NEURL1: variants seen among roughly 807,000 people sequenced by gnomAD.
The protein encoded by NEURL1 is E3 ubiquitin-protein ligase NEURL1.
NEURL1 carries 26 observed loss-of-function variants against 41.2 expected under a neutral mutation model. That is an observed-to-expected ratio of 0.63 (90% CI 0.46 to 0.87). The LOEUF (loss-of-function observed/expected upper bound fraction) is 0.87. Ranked by LOEUF, NEURL1 falls within the 40% of genes least tolerant of loss-of-function variation. NEURL1 has a pLI of 0.00. For synonymous variants in NEURL1, 400 were observed against 402.3 expected (o/e 0.99, Z 0.07); for missense variants, 761 against 871.1 (o/e 0.87, Z 1.59).
intron 1 of NEURL1, among the ~76,000 whole-genome samples, chr10:103,496,484 A>G (rs565748755): frequency 6.6e-6 from 1 of 152,368 alleles, no homozygotes; most frequent in Admixed American, 6.5e-5. Flanking sequence ...CCAAAGGGTT[A>G]ACAATTATTT....
intron 1 of NEURL1, among the ~76,000 whole-genome samples, chr10:103,561,033 A>G (rs1359362279): frequency 6.6e-6 from 1 of 152,168 alleles, no homozygotes; most frequent in Admixed American, 6.5e-5. Context: ...TTGCAATCAC[A>G]TTGTTGGCTG....
intron 1 of NEURL1, 64 bp from the exon 2 acceptor site, chr10:103,570,808 G>A: frequency 1.9e-6 from 3 of 1,566,276 alleles, no homozygotes; most frequent in African/African-American, 1.4e-5. Flanking sequence ...CCCTTCCCTA[G>A]GGGACTCTGG....
At chr10:103,547,442 G>T (rs987402640) in intron 1 of NEURL1, among the ~76,000 whole-genome samples, 1 of 152,248 alleles carries the variant, frequency 6.6e-6, no homozygotes, top group African/African-American at 2.4e-5. Flanking sequence ...AGGAGGGGTA[G>T]CAGGCAGGGG....
At chr10:103,512,451 G>A (rs548260167) in intron 1 of NEURL1, among the ~76,000 whole-genome samples, 1 of 152,208 alleles carries the variant, frequency 6.6e-6, no homozygotes, top group South Asian at 2.1e-4. Flanking sequence ...CCACAGATAG[G>A]TGACCTTGGG....
chr10:103,588,980 G>A (rs921890139), intron 4 of NEURL1: 3 of 437,362 alleles, frequency 6.9e-6, no homozygotes, highest in Non-Finnish European at 1.4e-5. Context: ...AGTGAGTGAC[G>A]GAAGGAGGAA....
chr10:103,565,609 G>C (rs746824469), intron 1 of NEURL1, among the ~76,000 whole-genome samples: 4 of 152,174 alleles, frequency 2.6e-5, no homozygotes, highest in African/African-American at 7.2e-5. Flanking sequence ...TCTTCTCTCC[G>C]TCTGAATGAA....
At chr10:103,523,467 GAAAAGA>G (rs889028752) in intron 1 of NEURL1, among the ~76,000 whole-genome samples, 4 of 149,792 alleles carry the variant, frequency 2.7e-5, no homozygotes, top group African/African-American at 9.9e-5. Flanking sequence ...AAAAAAAAAA[GAAAAGA>G]AAAAGAAAAA....
intron 4 of NEURL1, among the ~76,000 whole-genome samples, chr10:103,588,249 T>A (rs2035963334): frequency 6.8e-6 from 1 of 146,486 alleles, no homozygotes; most frequent in African/African-American, 2.6e-5. Context: ...GAGCTTGCAG[T>A]GAGCTGAGAT....
At chr10:103,533,592 A>C (rs931214040) in intron 1 of NEURL1, among the ~76,000 whole-genome samples, 4 of 151,744 alleles carry the variant, frequency 2.6e-5, no homozygotes, top group African/African-American at 7.3e-5. Context: ...GCTGGAGTGC[A>C]GTGGCGCGAT....
At chr10:103,547,319 A>C (rs1355258257) in intron 1 of NEURL1, among the ~76,000 whole-genome samples, 1 of 152,254 alleles carries the variant, frequency 6.6e-6, no homozygotes, top group Non-Finnish European at 1.5e-5. Context: ...GCCAGTGGCC[A>C]TACTGGGAGT....
Position 103,591,704 on chromosome 10 carries a change from G to A in NEURL1, c.*1332G>A, listed in dbSNP as rs2036053303. On this transcript the variant is annotated 3_prime_UTR_variant, in exon 6 of 6. Transcript: ENST00000369780. ...GCCCTGGGGCTGATGGTCACCCAGA[G>A]CCATAGAGCACCCTTCCTCCTGGGC... is the stretch of plus-strand genomic sequence containing the variant. The A allele has an allele frequency of 6.6e-6, 1 of 152,220 alleles. No homozygotes were observed. The highest frequency in any genetic ancestry group is 6.5e-5 in the Admixed American group (1 of 15,286). 9.4% of individuals were successfully genotyped at this position (152,220 alleles called of 1,614,324 possible).
At chr10:103,494,508 G>C (rs1301770097) in intron 1 of NEURL1, 36 bp downstream of exon 1, 1 of 1,507,660 alleles carries the variant, frequency 6.6e-7, no homozygotes, top group Non-Finnish European at 8.9e-7. Context: ...GGAGGACTGG[G>C]GCGCAGGTGG....
At chr10:103,585,932 GT>G (rs2133885880) in intron 4 of NEURL1, among the ~76,000 whole-genome samples, 1 of 152,162 alleles carries the variant, frequency 6.6e-6, no homozygotes, top group Admixed American at 6.5e-5. Flanking sequence ...CTTTAAGGAA[GT>G]TTGTGAGTCC....
intron 1 of NEURL1, among the ~76,000 whole-genome samples, chr10:103,495,600 AC>A (rs1233867827): frequency 1.3e-5 from 2 of 152,056 alleles, no homozygotes; most frequent in African/African-American, 2.4e-5. Context: ...TAGGCTGTAG[AC>A]CCCTATCTTT....
At chr10:103,559,908 A>AAC (rs774621863) in intron 1 of NEURL1, among the ~76,000 whole-genome samples, 6 of 151,818 alleles carry the variant, frequency 4.0e-5, no homozygotes, top group Admixed American at 2.0e-4. Flanking sequence ...GCACACACAC[A>AAC]ACACACACAT....
rs142954508 is a variant in NEURL1, at chr10:103,505,906, G to A, written c.85+11434G>A. The stretch of plus-strand genomic sequence containing the variant: ...CTTGCCTCTCAGAGGTGTCCCACCC[G>A]CTTCTCACTCATTCTGTCCGTGGAA... On this transcript the variant is annotated intron_variant, in intron 1 of 5. Transcript: ENST00000369780. Among the ~76,000 whole-genome samples, 369 of 152,334 alleles carry A rather than the reference G, an allele frequency of 2.4e-3. 2 individuals are homozygous for A. The highest frequency in any genetic ancestry group is 2.6e-3 in the Non-Finnish European group (177 of 68,030).
intron 1 of NEURL1, chr10:103,494,724 T>G (rs1368566011): frequency 9.8e-6 from 5 of 509,184 alleles, no homozygotes; most frequent in Non-Finnish European, 1.7e-5. Flanking sequence ...CAGGCCATGG[T>G]CTTAGGCGAG....
intron 1 of NEURL1, among the ~76,000 whole-genome samples, chr10:103,532,767 A>G (rs974781291): frequency 2.0e-5 from 3 of 151,412 alleles, no homozygotes; most frequent in Non-Finnish European, 4.4e-5. Context: ...CAATTTGACT[A>G]TAATGGCCTC....
At chr10:103,524,067 A>G (rs1288293434) in intron 1 of NEURL1, among the ~76,000 whole-genome samples, 1 of 152,140 alleles carries the variant, frequency 6.6e-6, no homozygotes, top group Admixed American at 6.6e-5. Flanking sequence ...CTGCAGAAAG[A>G]GTTCCCCTTT....
Sources: gnomAD v4.1 joint callset for allele counts (sites outside exome capture counted in the v4.1 genomes callset) on GRCh38, gnomAD v4.1.1 for gene constraint, MANE v1.5 for transcripts, NCBI Gene and HGNC (gene_info 2026-07-23, HGNC 2026-07-21) for gene names.